NEK11: variants seen among roughly 807,000 people sequenced by gnomAD.
NEK11 encodes NIMA related kinase 11, also known as serine/threonine-protein kinase Nek11.
In NEK11, 72 loss-of-function variants were observed where a neutral mutation model predicts 80.7. That is an observed-to-expected ratio of 0.89 (90% confidence interval 0.74 to 1.08). NEK11 has a LOEUF of 1.08. Ranked by LOEUF, NEK11 falls within the 50% of genes least tolerant of loss-of-function variation. The pLI is 0.00. For synonymous variants in NEK11, 251 were observed against 260.7 expected (o/e 0.96, Z 0.36); for missense variants, 764 against 763.6 (o/e 1.00, Z -0.01).
At chr3:131,065,269 A>G (rs1444082631) in intron 3 of NEK11, among the ~76,000 whole-genome samples, 1 of 152,242 alleles carries the variant, frequency 6.6e-6, no homozygotes, top group Non-Finnish European at 1.5e-5. Context: ...GGATGATTCT[A>G]TATGGTTGTA....
At chr3:131,073,216 G>A (rs1292161098) in intron 3 of NEK11, among the ~76,000 whole-genome samples, 1 of 152,120 alleles carries the variant, frequency 6.6e-6, no homozygotes, top group Non-Finnish European at 1.5e-5. Flanking sequence ...ATACAGATGG[G>A]AAAAGTCATA....
At chr3:131,305,105 AG>A (rs1212303911) in intron 17 of NEK11, among the ~76,000 whole-genome samples, 9 of 144,496 alleles carry the variant, frequency 6.2e-5, no homozygotes, top group African/African-American at 2.3e-4. Flanking sequence ...ACATTGGTGG[AG>A]GGGGCAGTGG....
At chr3:131,274,249 A>G (rs2096253141) in intron 17 of NEK11, among the ~76,000 whole-genome samples, 1 of 148,946 alleles carries the variant, frequency 6.7e-6, no homozygotes, top group Non-Finnish European at 1.5e-5. Flanking sequence ...GAGAATGATG[A>G]TTTCCAGTTT....
intron 14 of NEK11, among the ~76,000 whole-genome samples, chr3:131,205,871 T>A (rs142073161): frequency 6.6e-6 from 1 of 152,260 alleles, no homozygotes; most frequent in African/African-American, 2.4e-5. Context: ...AATTCCTAGC[T>A]GTTTTATGAG....
chr3:131,064,035 A>G (rs2071408575), intron 3 of NEK11, among the ~76,000 whole-genome samples: 1 of 152,240 alleles, frequency 6.6e-6, no homozygotes, highest in East Asian at 1.9e-4. Flanking sequence ...TACAGTCTGG[A>G]TAAACCTTGA....
chr3:131,167,024 T>G (rs1357786471), intron 12 of NEK11, among the ~76,000 whole-genome samples: 1 of 152,188 alleles, frequency 6.6e-6, no homozygotes, highest in African/African-American at 2.4e-5. Context: ...AATTCCGAGT[T>G]TGTTAATGTG....
chr3:131,208,774 T>C (rs963996407), intron 14 of NEK11, among the ~76,000 whole-genome samples: 5 of 152,336 alleles, frequency 3.3e-5, no homozygotes, highest in African/African-American at 1.2e-4. Flanking sequence ...TTGTCTGTTA[T>C]TGGTGTATAA....
chr3:131,175,434 A>G (rs1009739937), intron 14 of NEK11, among the ~76,000 whole-genome samples: 1 of 152,240 alleles, frequency 6.6e-6, no homozygotes, highest in African/African-American at 2.4e-5. Flanking sequence ...AACACACACC[A>G]ATATATACAA....
In NEK11 at chr3:131,215,347, C is replaced by A. The variant is rs148182413; in HGVS notation, c.1400-13181C>A. ...AAATGACGAGTTAATGGGTGCAGCA[C>A]ACCAACATGGCACACGTATACATAT... On this transcript the variant is annotated intron_variant, in intron 14 of 17. Transcript: ENST00000383366. 6.2e-3 allele frequency among the ~76,000 whole-genome samples: 947 copies of A among 151,854 alleles called. 15 individuals are homozygous for A. The highest frequency in any genetic ancestry group is 0.046 in the East Asian group (238 of 5,146).
chr3:131,342,180 T>G (rs2110404695), intron 17 of NEK11, among the ~76,000 whole-genome samples: 1 of 152,328 alleles, frequency 6.6e-6, no homozygotes, highest in East Asian at 1.9e-4. Context: ...ACCTGCCTGC[T>G]TCTGGAGAGA....
chr3:131,167,762 G>C (rs1276834619), intron 12 of NEK11, among the ~76,000 whole-genome samples: 1 of 152,170 alleles, frequency 6.6e-6, no homozygotes, highest in Non-Finnish European at 1.5e-5. Flanking sequence ...AGGATCCTAT[G>C]AACTCCCAAC....
At chr3:131,245,035 C>G (rs912431891) in intron 16 of NEK11, among the ~76,000 whole-genome samples, 1 of 151,976 alleles carries the variant, frequency 6.6e-6, no homozygotes, top group African/African-American at 2.4e-5. Flanking sequence ...TAATCATCAC[C>G]TGAATATGGT....
intron 14 of NEK11, among the ~76,000 whole-genome samples, chr3:131,197,957 G>A (rs1263233275): frequency 2.0e-5 from 3 of 152,020 alleles, no homozygotes; most frequent in African/African-American, 7.2e-5. Flanking sequence ...TCAGGTTTCT[G>A]TACAGCCAAT....
At position 131,319,105 on chromosome 3, in the gene NEK11, C is replaced by T. The variant is rs146250792; in HGVS notation, c.1719-30452C>T. Among the ~76,000 whole-genome samples the T allele has an allele frequency of 1.7e-3, 259 of 152,026 alleles. 2 individuals are homozygous for T. The highest frequency in any genetic ancestry group is 1.8e-4 in the Non-Finnish European group (12 of 67,976). On this transcript the variant is annotated intron_variant, in intron 17 of 17. Coordinates refer to ENST00000383366, the MANE Select transcript of NEK11 (RefSeq NM_024800.5). ...TCAAATTTCAGACTAAGATAAATAT[C>T]TTGTAATTACTAGTTCATAGATGTG...
At chr3:131,257,147 G>A (rs955050056) in intron 16 of NEK11, among the ~76,000 whole-genome samples, 3 of 90,336 alleles carry the variant, frequency 3.3e-5, no homozygotes, top group Non-Finnish European at 6.4e-5. Flanking sequence ...CACTATGCCT[G>A]GCTAATTTTT....
At chr3:131,341,272 A>T (rs1019558275) in intron 17 of NEK11, among the ~76,000 whole-genome samples, 2 of 152,198 alleles carry the variant, frequency 1.3e-5, no homozygotes, top group African/African-American at 4.8e-5. Flanking sequence ...GGAATGACTG[A>T]TTTTGTTTTT....
intron 7 of NEK11, among the ~76,000 whole-genome samples, chr3:131,139,956 C>G (rs1004155652): frequency 6.6e-6 from 1 of 152,120 alleles, no homozygotes; most frequent in Non-Finnish European, 1.5e-5. Context: ...GAAGGAGACC[C>G]CTTTGGATAG....
chr3:131,265,770 A>C (rs919634816), intron 16 of NEK11, among the ~76,000 whole-genome samples: 2 of 152,132 alleles, frequency 1.3e-5, no homozygotes, highest in African/African-American at 4.8e-5. Flanking sequence ...TATCGTTTGG[A>C]ATACTTTCAG....
At chr3:131,038,877 C>T (rs2066034148) in intron 3 of NEK11, among the ~76,000 whole-genome samples, 1 of 152,130 alleles carries the variant, frequency 6.6e-6, no homozygotes, top group Non-Finnish European at 1.5e-5. Flanking sequence ...AGTAGGGAAG[C>T]TAATGGTTTG....
Sources: allele counts gnomAD v4.1 joint callset (sites outside exome capture counted in the v4.1 genomes callset), GRCh38; gene constraint gnomAD v4.1.1; transcripts MANE v1.5; gene names NCBI Gene and HGNC (gene_info 2026-07-23, HGNC 2026-07-21).